Variants in TSPAN7 observed in about 807,000 individuals in gnomAD.
The protein encoded by TSPAN7 is tetraspanin-7.
In TSPAN7, 1 loss-of-function variant was observed where a neutral mutation model predicts 17.6. That is an observed-to-expected ratio of 0.06 (90% CI 0.02 to 0.27). The LOEUF is 0.27. TSPAN7 is among the 10% of genes least tolerant of loss of function. The probability of loss-of-function intolerance (pLI) is 1.00; values close to 1 mark genes in which losing one functional copy is unlikely to be tolerated. For synonymous variants in TSPAN7, 78 were observed against 79.0 expected (o/e 0.99, Z 0.07); for missense variants, 112 against 201.7 (o/e 0.56, Z 2.69).
chrX:38,598,777 A>G (rs776711973), intron 1 of TSPAN7, among the ~76,000 whole-genome samples: 1 of 111,494 alleles, frequency 9.0e-6, no homozygotes, highest in Non-Finnish European at 1.9e-5. Flanking sequence ...AAAACCCAGT[A>G]TAGAACCCAT....
intron 5 of TSPAN7, among the ~76,000 whole-genome samples, chrX:38,680,544 TCTCTC>T (rs2069883108): frequency 2.5e-5 from 1 of 40,736 alleles, no homozygotes; most frequent in African/African-American, 9.4e-5. Context: ...ACAAATTCTC[TCTCTC>T]TCTCTCTCTC....
At chrX:38,663,660 C>A (rs1297235697) in intron 1 of TSPAN7, among the ~76,000 whole-genome samples, 4 of 112,175 alleles carry the variant, frequency 3.6e-5, no homozygotes, top group African/African-American at 1.3e-4. Context: ...GGTTCATATA[C>A]AAAGCAATGA....
rs192268850 is a variant in TSPAN7 at position 38,683,986 on chromosome X, G to A, written c.681+2699G>A. The stretch of plus-strand genomic sequence containing the variant: ...CTACTAAGTTAGAGGCCACAGAGAG[G>A]ACAAAGTAGGTAGGAAAGAACAGAG... On this transcript the variant is annotated intron_variant, in intron 6 of 7. Transcript: ENST00000378482. Among the ~76,000 whole-genome samples, 16 of 112,580 alleles carry A rather than the reference G, an allele frequency of 1.4e-4. No individual in the cohort carries two copies. The East Asian group carries it at 3.1e-3, about 22-fold the overall frequency.
intron 1 of TSPAN7, among the ~76,000 whole-genome samples, chrX:38,597,955 T>C (rs983971161): frequency 8.9e-6 from 1 of 111,770 alleles, no homozygotes; most frequent in Non-Finnish European, 1.9e-5. Flanking sequence ...GAGAGGCTTT[T>C]CTCTTCCTAT....
At chrX:38,581,876 T>C (rs1477315716) in intron 1 of TSPAN7, among the ~76,000 whole-genome samples, 1 of 112,461 alleles carries the variant, frequency 8.9e-6, no homozygotes, top group Non-Finnish European at 1.9e-5. Flanking sequence ...TAAAAGCTGC[T>C]GGAGATGCAG....
chrX:38,676,798 G>A (rs893043671), intron 5 of TSPAN7, among the ~76,000 whole-genome samples: 1 of 111,912 alleles, frequency 8.9e-6, no homozygotes, highest in African/African-American at 3.2e-5. Context: ...AAGTTAAAAG[G>A]ACATCTGTTT....
At chrX:38,680,002 A>G (rs777722378) in intron 5 of TSPAN7, among the ~76,000 whole-genome samples, 2 of 111,650 alleles carry the variant, frequency 1.8e-5, no homozygotes, top group Non-Finnish European at 3.8e-5. Flanking sequence ...GAGGAAGAAG[A>G]TCAGGAAAAA....
intron 1 of TSPAN7, among the ~76,000 whole-genome samples, chrX:38,649,398 A>C (rs1355058019): frequency 1.8e-5 from 2 of 112,670 alleles, no homozygotes; most frequent in East Asian, 5.6e-4. Context: ...AATGGTCCAT[A>C]GAGTATGGTG....
At chrX:38,584,567 A>G (rs1029223371) in intron 1 of TSPAN7, among the ~76,000 whole-genome samples, 3 of 112,189 alleles carry the variant, frequency 2.7e-5, no homozygotes, top group Non-Finnish European at 1.9e-5. Context: ...TTCCTAGTTA[A>G]TGTTATTCAG....
rs773550495 is a variant in TSPAN7, at chrX:38,605,057, C to T, written c.81+43430C>T. Reference sequence around the variant, plus strand: ...TCAACATAGTGTTGGAAGTTCTGGCCGGGGCAATTAGGCAGGAGAAGGAAA... The same window carrying T: ...TCAACATAGTGTTGGAAGTTCTGGCTGGGGCAATTAGGCAGGAGAAGGAAA... On this transcript the variant is annotated intron_variant, in intron 1 of 7. Coordinates refer to ENST00000378482, the MANE Select transcript of TSPAN7 (RefSeq NM_004615.4). 8.2e-5 allele frequency among the ~76,000 whole-genome samples: 9 copies of T among 109,993 alleles called. No individual in the cohort carries two copies. The South Asian group carries it at 2.0e-3, about 24-fold the overall frequency.
At chrX:38,609,171 A>G (rs1230778469) in intron 1 of TSPAN7, among the ~76,000 whole-genome samples, 1 of 112,296 alleles carries the variant, frequency 8.9e-6, no homozygotes, top group East Asian at 2.8e-4. Flanking sequence ...ATGAGCTTTC[A>G]TTATTTTTAA....
At chrX:38,582,968 T>C (rs2069235230) in intron 1 of TSPAN7, among the ~76,000 whole-genome samples, 1 of 112,106 alleles carries the variant, frequency 8.9e-6, no homozygotes, top group Non-Finnish European at 1.9e-5. Context: ...TCTTTTCATC[T>C]CACCACTGTT....
intron 1 of TSPAN7, among the ~76,000 whole-genome samples, chrX:38,605,190 C>G (rs2069371806): frequency 9.1e-6 from 1 of 110,412 alleles, no homozygotes; most frequent in African/African-American, 3.3e-5. Flanking sequence ...TCTCCTTAAG[C>G]TGATAAGCAA....
chrX:38,584,205 G>A (rs1309945554), intron 1 of TSPAN7, among the ~76,000 whole-genome samples: 2 of 109,812 alleles, frequency 1.8e-5, no homozygotes, highest in Admixed American at 9.7e-5. Flanking sequence ...CACTCGCCTC[G>A]GCCTCCCAAA....
chrX:38,582,442 G>A (rs1351457711), intron 1 of TSPAN7, among the ~76,000 whole-genome samples: 1 of 112,082 alleles, frequency 8.9e-6, no homozygotes, highest in Admixed American at 9.4e-5. Flanking sequence ...GATCTATCAA[G>A]TGGCAGAAGG....
rs182121609 is a variant in TSPAN7, at chrX:38,609,166, C to T, written c.81+47539C>T. Among the ~76,000 whole-genome samples, 117 of 112,023 alleles carry T rather than the reference C, an allele frequency of 1.0e-3. 1 individual carries two copies. The highest frequency in any genetic ancestry group is 3.6e-3 in the African/African-American group (111 of 30,897). On this transcript the variant is annotated intron_variant, in intron 1 of 7. Coordinates refer to ENST00000378482, the MANE Select transcript of TSPAN7 (RefSeq NM_004615.4). The stretch of plus-strand genomic sequence containing the variant: ...AGTAATCTGCATGTTTCAAAATGAG[C>T]TTTCATTATTTTTAAGAAGCGATTT...
chrX:38,607,313 C>T (rs776034854), intron 1 of TSPAN7, among the ~76,000 whole-genome samples: 1 of 111,899 alleles, frequency 8.9e-6, no homozygotes, highest in Non-Finnish European at 1.9e-5. Flanking sequence ...AATCCAGAGA[C>T]CTGCAGGTAC....
intron 1 of TSPAN7, chrX:38,571,047 G>A (rs1170191036): frequency 8.9e-6 from 1 of 112,079 alleles, no homozygotes; most frequent in Non-Finnish European, 1.9e-5. Context: ...ATATTGCATA[G>A]TGGTGAAGTC....
intron 1 of TSPAN7, among the ~76,000 whole-genome samples, chrX:38,595,911 A>G (rs1374218829): frequency 3.6e-5 from 4 of 111,329 alleles, no homozygotes; most frequent in Non-Finnish European, 7.6e-5. Context: ...TTGTAGCTCT[A>G]CAAATCTTTG....
Sources: allele counts gnomAD v4.1 joint callset (sites outside exome capture counted in the v4.1 genomes callset), GRCh38; gene constraint gnomAD v4.1.1; transcripts MANE v1.5; gene names NCBI Gene and HGNC (gene_info 2026-07-23, HGNC 2026-07-21).